The following LMBR1 variants were observed in gnomAD, a reference collection of about 807,000 sequenced individuals.
LMBR1 encodes the protein limb development membrane protein 1, also known as limb region 1 protein homolog.
Under a neutral mutation model 73.9 loss-of-function variants are expected in LMBR1, and 52 were observed. The ratio of observed to expected loss-of-function variants is 0.70; its 90% CI spans 0.56 to 0.89. The LOEUF (loss-of-function observed/expected upper bound fraction) is 0.89, where lower values mean the gene tolerates loss of function less well. LMBR1 is among the 40% of genes least tolerant of loss of function. LMBR1 has a pLI of 0.00. For synonymous variants in LMBR1, 215 were observed against 209.4 expected (o/e 1.03, Z -0.23); for missense variants, 539 against 579.8 (o/e 0.93, Z 0.72).
chr7:156,864,963 T>C (rs1256298017), intron 1 of LMBR1, among the ~76,000 whole-genome samples: 1 of 150,008 alleles, frequency 6.7e-6, no homozygotes, highest in African/African-American at 2.5e-5. Flanking sequence ...GCCATTGCAC[T>C]TCAGCCTGGG....
intron 9 of LMBR1, among the ~76,000 whole-genome samples, chr7:156,751,607 G>A (rs1338790568): frequency 2.0e-5 from 3 of 152,168 alleles, no homozygotes; most frequent in Non-Finnish European, 4.4e-5. Flanking sequence ...GGAAGCTACC[G>A]CAAAAACCTC....
At chr7:156,726,524 G>A (rs1046735949) in intron 12 of LMBR1, among the ~76,000 whole-genome samples, 3 of 151,360 alleles carry the variant, frequency 2.0e-5, no homozygotes, top group African/African-American at 7.3e-5. Flanking sequence ...ATTCCCTACT[G>A]AAGTATTTTC....
intron 16 of LMBR1, among the ~76,000 whole-genome samples, chr7:156,684,529 T>C (rs1231031547): frequency 6.6e-6 from 1 of 152,196 alleles, no homozygotes; most frequent in African/African-American, 2.4e-5. Flanking sequence ...AGTTCCTCCC[T>C]CTGCACAGCC....
intron 1 of LMBR1, among the ~76,000 whole-genome samples, chr7:156,864,821 C>A (rs1206570306): frequency 1.3e-5 from 2 of 151,914 alleles, no homozygotes; most frequent in Non-Finnish European, 2.9e-5. Flanking sequence ...CATGGTGAAA[C>A]CCCATCTCTA....
chr7:156,794,310 G>C (rs1563375622), intron 5 of LMBR1, among the ~76,000 whole-genome samples: 1 of 152,170 alleles, frequency 6.6e-6, no homozygotes, highest in East Asian at 1.9e-4. Flanking sequence ...TAAAATAGAG[G>C]AAGTAAGTGC....
chr7:156,680,790 C>T lies in LMBR1; in HGVS notation c.*3288G>A, dbSNP rs73163988. 0.06 allele frequency: 11,645 copies of T among 194,362 alleles called. 496 individuals are homozygous for T. Among genetic ancestry groups the T allele is most frequent in the African/African-American group, 0.12 (4,914 of 41,646 alleles). The allele number at this position is 194,362 out of a possible 1,614,324, so 12.0% of individuals were successfully genotyped here. A position where few individuals can be genotyped will look rare whatever the true frequency, so the allele number is the denominator to read the frequency against. On this transcript the variant is annotated 3_prime_UTR_variant, in exon 17 of 17. Transcript: ENST00000353442. ...TGAAATGGAATTAAACTATAAATAC[C>T]CTTAAGTTTTAGCCATGATAATATT... is the stretch of plus-strand genomic sequence containing the variant.
intron 15 of LMBR1, among the ~76,000 whole-genome samples, chr7:156,716,132 G>A (rs1487181279): frequency 2.6e-5 from 4 of 152,202 alleles, no homozygotes; most frequent in Admixed American, 2.6e-4. Context: ...AAAGTTTCAT[G>A]AGAAAGTCAA....
intron 5 of LMBR1, among the ~76,000 whole-genome samples, chr7:156,789,136 T>C (rs888675963): frequency 2.0e-5 from 3 of 152,344 alleles, no homozygotes; most frequent in Middle Eastern, 3.4e-3. Flanking sequence ...ATGTTTTCCA[T>C]AAAACTGATC....
At chr7:156,728,606 T>G in intron 11 of LMBR1, 38 bp downstream of exon 11, 1 of 1,414,800 alleles carries the variant, frequency 7.1e-7, no homozygotes, top group Non-Finnish European at 9.8e-7. Flanking sequence ...AAATAAAATA[T>G]AATTTGCTTT....
At chr7:156,776,873 A>G (rs1826234857) in intron 5 of LMBR1, among the ~76,000 whole-genome samples, 1 of 152,026 alleles carries the variant, frequency 6.6e-6, no homozygotes, top group Non-Finnish European at 1.5e-5. Context: ...TGGGCCTTCA[A>G]TGCTACTTGG....
chr7:156,728,701 T>A lies in LMBR1; in HGVS notation c.858A>T (p.Ser286=). The A allele has an allele frequency of 6.2e-7, 1 of 1,602,574 alleles. No homozygotes were observed. The highest frequency in any genetic ancestry group is 8.5e-7 in the Non-Finnish European group (1 of 1,176,914). The part of the protein sequence containing the change: ...KTKLERRKKA[S]AWERNLVYPA... ...GATACACCAAATTTCTTTCCCATGC[T>A]GAAGCCTTTTTTCGCCTCTCTATTA... The change falls in exon 11 of 17, where the codon TCA becomes TCT. Residue 286 remains serine, a synonymous_variant. Coordinates refer to ENST00000353442, the MANE Select transcript of LMBR1 (RefSeq NM_022458.4).
intron 4 of LMBR1, among the ~76,000 whole-genome samples, chr7:156,814,770 T>C (rs1347487109): frequency 2.0e-5 from 3 of 152,164 alleles, no homozygotes; most frequent in Non-Finnish European, 4.4e-5. Context: ...AGGCTATAAT[T>C]CACAGGGCTC....
intron 15 of LMBR1, among the ~76,000 whole-genome samples, chr7:156,697,730 TTATTC>T (rs1417880582): frequency 5.9e-5 from 9 of 152,148 alleles, no homozygotes; most frequent in Non-Finnish European, 1.2e-4. Context: ...AAAATCACTG[TTATTC>T]TATTCTTTTT....
chr7:156,816,319 C>T (rs1563435835), intron 4 of LMBR1, among the ~76,000 whole-genome samples: 2 of 152,094 alleles, frequency 1.3e-5, no homozygotes, highest in Non-Finnish European at 2.9e-5. Flanking sequence ...GATTCTTGTG[C>T]CTCAGCCTCC....
chr7:156,686,472 A>G (rs1806035338), intron 16 of LMBR1, among the ~76,000 whole-genome samples: 1 of 152,226 alleles, frequency 6.6e-6, no homozygotes, highest in Non-Finnish European at 1.5e-5. Flanking sequence ...TCATTCAAAC[A>G]TTACATATAC....
chr7:156,800,603 C>A (rs1830805576), intron 4 of LMBR1, among the ~76,000 whole-genome samples: 1 of 151,628 alleles, frequency 6.6e-6, no homozygotes, highest in Admixed American at 6.6e-5. Context: ...TGCCTTAACA[C>A]AACATCCATT....
At chr7:156,695,047 T>C (rs772162057) in intron 15 of LMBR1, among the ~76,000 whole-genome samples, 1 of 152,244 alleles carries the variant, frequency 6.6e-6, no homozygotes, top group Non-Finnish European at 1.5e-5. Flanking sequence ...TGGTGGCTCA[T>C]GCCAGTAATC....
intron 1 of LMBR1, among the ~76,000 whole-genome samples, chr7:156,850,838 G>A (rs573126432): frequency 1.1e-4 from 16 of 152,258 alleles, no homozygotes; most frequent in South Asian, 2.1e-4. Flanking sequence ...ATGTTGAAGC[G>A]TGATCCCCAC....
At chr7:156,887,388 G>A (rs547626982) in intron 1 of LMBR1, among the ~76,000 whole-genome samples, 3 of 151,166 alleles carry the variant, frequency 2.0e-5, no homozygotes, top group Admixed American at 6.6e-5. Context: ...GCCTGAACCC[G>A]GGAGGCGGAG....
Sources: gnomAD v4.1 joint callset for allele counts (sites outside exome capture counted in the v4.1 genomes callset) on GRCh38, gnomAD v4.1.1 for gene constraint, MANE v1.5 for transcripts, NCBI Gene and HGNC (gene_info 2026-07-23, HGNC 2026-07-21) for gene names.